The following PPP6R2 variants were observed in gnomAD, a reference collection of about 807,000 sequenced individuals.
PPP6R2 encodes the protein protein phosphatase 6 regulatory subunit 2, also known as serine/threonine-protein phosphatase 6 regulatory subunit 2.
PPP6R2 carries 62 observed loss-of-function variants against 100.2 expected under a neutral mutation model. The ratio of observed to expected loss-of-function variants is 0.62; its 90% CI spans 0.50 to 0.76. PPP6R2 has a LOEUF of 0.76. PPP6R2 is among the 30% of genes least tolerant of loss of function. The probability of loss-of-function intolerance (pLI) is 0.00; values close to 1 mark genes in which losing one functional copy is unlikely to be tolerated. For synonymous variants in PPP6R2, 525 were observed against 514.7 expected, an observed-to-expected ratio of 1.02 and a Z score of -0.27; for missense variants, 1,142 against 1,276.3, an observed-to-expected ratio of 0.89 and a Z score of 1.60.
At chr22:50,394,417 C>T (rs12159888) in intron 3 of PPP6R2, among the ~76,000 whole-genome samples, 1 of 150,816 alleles carries the variant, frequency 6.6e-6, no homozygotes, top group Non-Finnish European at 1.5e-5. Context: ...CAACATAGTG[C>T]GACCCTGTCT....
rs192246796 is a variant in PPP6R2 at position 50,385,902 on chromosome 22, C to T, written c.-16-7991C>T. Reference sequence around the variant, plus strand: ...GCAGTGACTCGATCTAGGCTCACTGCAAGCTCCACCTCCCCAGTTCATGCC... The same window carrying T: ...GCAGTGACTCGATCTAGGCTCACTGTAAGCTCCACCTCCCCAGTTCATGCC... On this transcript the variant is annotated intron_variant, in intron 2 of 23. Coordinates refer to ENST00000612753, the MANE Select transcript of PPP6R2 (RefSeq NM_001242898.2). 1.8e-3 allele frequency among the ~76,000 whole-genome samples: 256 copies of T among 141,960 alleles called. 1 individual carries two copies. Among genetic ancestry groups the T allele is most frequent in the African/African-American group, 6.5e-3 (241 of 36,812 alleles). 93.1% of individuals were successfully genotyped at this position (141,960 alleles called of 152,430 possible).
intron 6 of PPP6R2, 60 bp from the exon 7 acceptor site, chr22:50,418,807 G>T (rs964591843): frequency 1.5e-6 from 2 of 1,366,426 alleles, no homozygotes; most frequent in African/African-American, 1.4e-5. Flanking sequence ...TGCCCAGCAG[G>T]GCTGGTCCTG....
intron 3 of PPP6R2, among the ~76,000 whole-genome samples, chr22:50,403,506 G>T (rs2058373111): frequency 6.6e-6 from 1 of 152,192 alleles, no homozygotes; most frequent in South Asian, 2.1e-4. Context: ...GGTGGGTACT[G>T]CCTGCCCCAA....
At chr22:50,408,706 C>T (rs2059334553) in intron 4 of PPP6R2, among the ~76,000 whole-genome samples, 1 of 152,228 alleles carries the variant, frequency 6.6e-6, no homozygotes, top group African/African-American at 2.4e-5. Context: ...TGATCTTATT[C>T]CCCTGCCACT....
At chr22:50,357,913 C>T (rs573338846) in intron 1 of PPP6R2, among the ~76,000 whole-genome samples, 18 of 151,630 alleles carry the variant, frequency 1.2e-4, no homozygotes, top group South Asian at 4.2e-4. Context: ...TGTGAGCCAC[C>T]GCACCTGGCA....
At chr22:50,370,520 C>G (rs1183048055) in intron 1 of PPP6R2, among the ~76,000 whole-genome samples, 1 of 151,840 alleles carries the variant, frequency 6.6e-6, no homozygotes, top group South Asian at 2.1e-4. Flanking sequence ...AATGCCTGAC[C>G]TCGTGATCCA....
chr22:50,380,350 G>A (rs1250838021), intron 2 of PPP6R2, among the ~76,000 whole-genome samples: 1 of 149,566 alleles, frequency 6.7e-6, no homozygotes, highest in Non-Finnish European at 1.5e-5. Flanking sequence ...GGTTACAGGC[G>A]TGAGCCACCA....
chr22:50,351,711 G>A (rs541951798), intron 1 of PPP6R2, among the ~76,000 whole-genome samples: 3 of 152,146 alleles, frequency 2.0e-5, no homozygotes, highest in Non-Finnish European at 4.4e-5. Context: ...TCAGCTCACC[G>A]CAACCTCTGG....
At chr22:50,396,966 G>A (rs2057023513) in intron 3 of PPP6R2, among the ~76,000 whole-genome samples, 1 of 152,144 alleles carries the variant, frequency 6.6e-6, no homozygotes, top group Admixed American at 6.6e-5. Context: ...TTCAAATGTG[G>A]CCCAGTCTGG....
upstream of PPP6R2, chr22:50,343,193 G>T (rs1210313524): frequency 6.6e-6 from 1 of 151,688 alleles, no homozygotes; most frequent in African/African-American, 2.4e-5. Context: ...GTTTCACCGA[G>T]TGCCCCACTC....
At chr22:50,339,908 GT>G (rs2042352628), upstream of PPP6R2, among the ~76,000 whole-genome samples, 1 of 93,146 alleles carries the variant, frequency 1.1e-5, no homozygotes. Context: ...GGTGTGTGTG[GT>G]ATGTGGTGTG....
At chr22:50,357,319 G>T (rs2046813306) in intron 1 of PPP6R2, among the ~76,000 whole-genome samples, 1 of 152,068 alleles carries the variant, frequency 6.6e-6, no homozygotes, top group Admixed American at 6.6e-5. Context: ...ACATAGTGAG[G>T]GGAGGAAGAG....
At chr22:50,420,367 C>G (rs1274060772) in intron 8 of PPP6R2, among the ~76,000 whole-genome samples, 1 of 152,170 alleles carries the variant, frequency 6.6e-6, no homozygotes, top group Non-Finnish European at 1.5e-5. Flanking sequence ...TTTGCTGTGA[C>G]CCCACATCGC....
Position 50,431,505 on chromosome 22 carries a change from G to A in PPP6R2, c.1335+123G>A. 2 of 858,886 alleles carry A rather than the reference G, an allele frequency of 2.3e-6. No homozygotes were observed. The highest frequency in any genetic ancestry group is 1.8e-6 in the Non-Finnish European group (1 of 562,404). The allele number at this position is 858,886 out of a possible 1,614,324, so 53.2% of individuals were successfully genotyped here. ...TGACACGGGGGCAGGGCTTTGAAAA[G>A]GGTCCCCAGGTGTCTGGTCAGACGC... On this transcript the variant is annotated intron_variant, in intron 11 of 23. Transcript: ENST00000612753. This position sits in a 1 kb window ranked among gnomAD's most constrained non-coding sequence, Gnocchi z 4.8.
chr22:50,393,199 G>A (rs1314032800), intron 2 of PPP6R2, among the ~76,000 whole-genome samples: 3 of 152,124 alleles, frequency 2.0e-5, no homozygotes, highest in Non-Finnish European at 2.9e-5. Flanking sequence ...GGTGCCTATG[G>A]CAAGACCTAG....
intron 10 of PPP6R2, among the ~76,000 whole-genome samples, chr22:50,430,258 A>C (rs993052931): frequency 1.3e-5 from 2 of 152,244 alleles, no homozygotes; most frequent in Non-Finnish European, 2.9e-5. Context: ...GCTTCAGCCC[A>C]TGCTGGTTAA....
chr22:50,372,637 G>C (rs1022984615), intron 2 of PPP6R2, among the ~76,000 whole-genome samples: 1 of 152,158 alleles, frequency 6.6e-6, no homozygotes, highest in African/African-American at 2.4e-5. Context: ...CTGGTTTTGA[G>C]ATGCTCTGCA....
chr22:50,407,003 A>C, intron 4 of PPP6R2, 128 bp downstream of exon 4: 1 of 944,234 alleles, frequency 1.1e-6, no homozygotes, highest in Non-Finnish European at 1.6e-6. Context: ...TCTTCTGCGC[A>C]ACACGTGGAG....
chr22:50,339,513 TGTGTGTGGTATGTG>T (rs1201697642), upstream of PPP6R2, among the ~76,000 whole-genome samples: 1 of 140,948 alleles, frequency 7.1e-6, no homozygotes, highest in Non-Finnish European at 1.5e-5. Flanking sequence ...GTGTGTGTGG[TGTGTGTGGTATGTG>T]GTGTGTGGTG....
Sources: allele counts gnomAD v4.1 joint callset (sites outside exome capture counted in the v4.1 genomes callset), GRCh38; gene constraint gnomAD v4.1.1; non-coding constraint Gnocchi (gnomAD v3.1); transcripts MANE v1.5; gene names NCBI Gene and HGNC (gene_info 2026-07-23, HGNC 2026-07-21).